Variants in PLD1 observed in about 807,000 individuals in gnomAD.
PLD1 encodes the protein phospholipase D1.
In PLD1, 112 loss-of-function variants were observed where a neutral mutation model predicts 137.1. That is an observed-to-expected ratio of 0.82 (90% CI 0.70 to 0.96). The LOEUF (loss-of-function observed/expected upper bound fraction) is 0.96. Ranked by LOEUF, PLD1 falls within the 40% of genes least tolerant of loss-of-function variation. The pLI is 0.00. For missense variants in PLD1, 1,321 were observed against 1,342.0 expected (o/e 0.98, Z 0.24); for synonymous variants, 431 against 454.7 (o/e 0.95, Z 0.66).
intron 1 of PLD1, among the ~76,000 whole-genome samples, chr3:171,771,657 G>A (rs1000027283): frequency 2.0e-5 from 3 of 152,202 alleles, no homozygotes; most frequent in African/African-American, 7.2e-5. Flanking sequence ...CCCTCCATTA[G>A]GGCCATGAAA....
chr3:171,623,156 C>A (rs1257406607), intron 23 of PLD1, among the ~76,000 whole-genome samples: 1 of 151,706 alleles, frequency 6.6e-6, no homozygotes, highest in African/African-American at 2.4e-5. Context: ...TACATGAGAT[C>A]GCATTAATGT....
intron 15 of PLD1, 25 bp from the exon 16 acceptor site, chr3:171,686,823 C>CA (rs1273144882): frequency 6.3e-6 from 7 of 1,109,524 alleles, no homozygotes; most frequent in South Asian, 4.1e-5. Context: ...AATTTTTTTA[C>CA]AAAAAAATAC....
In PLD1 at chr3:171,650,888, C is replaced by G. The variant is rs184098577; in HGVS notation, c.2430-5865G>C. The stretch of plus-strand genomic sequence containing the variant: ...CACTCCAGCAGCCCGGGCGACAGAG[C>G]GAGAATCCGTCTCAAAAAAAAAAAA... On this transcript the variant is annotated intron_variant, in intron 21 of 26. Transcript: ENST00000351298. 5.3e-5 allele frequency among the ~76,000 whole-genome samples: 8 copies of G among 150,746 alleles called. No homozygotes were observed. The South Asian group carries it at 1.7e-3, about 32-fold the overall frequency.
intron 19 of PLD1, among the ~76,000 whole-genome samples, chr3:171,670,425 C>G (rs532408367): frequency 2.0e-5 from 3 of 152,270 alleles, no homozygotes; most frequent in African/African-American, 7.2e-5. Flanking sequence ...GCTGAGGGTC[C>G]TAAAGCTAAG....
intron 9 of PLD1, among the ~76,000 whole-genome samples, chr3:171,712,663 AG>A (rs1324859358): frequency 2.0e-5 from 3 of 152,224 alleles, no homozygotes; most frequent in African/African-American, 4.8e-5. Flanking sequence ...ATCTTACACC[AG>A]GAAGGAAGGT....
At chr3:171,705,139 GGAAA>G (rs1716580122) in intron 11 of PLD1, among the ~76,000 whole-genome samples, 1 of 152,162 alleles carries the variant, frequency 6.6e-6, no homozygotes, top group Non-Finnish European at 1.5e-5. Flanking sequence ...CTGTCATAGC[GGAAA>G]GAGTCAATGA....
In PLD1 at chr3:171,714,010, A is replaced by G; in HGVS notation, c.794T>C (p.Met265Thr). The change falls in exon 9 of 27, where the codon ATG becomes ACG. Residue 265 changes from methionine (M) to threonine (T), a missense_variant. By Grantham distance (81) the Met-to-Thr change is moderately conservative. Coordinates refer to ENST00000351298, the MANE Select transcript of PLD1 (RefSeq NM_002662.5). Reference sequence around the variant, plus strand: ...GGCAATGGCACCGCTGTCTGGTTTCATATACAATAAAAAGGAATCTTTCAC... The same window carrying G: ...GGCAATGGCACCGCTGTCTGGTTTCGTATACAATAAAAAGGAATCTTTCAC... ...LIVKDSFLLY[M>T]KPDSGAIAFV... The G allele has an allele frequency of 6.2e-7, 1 of 1,608,576 alleles. No individual in the cohort carries two copies. The highest frequency in any genetic ancestry group is 8.5e-7 in the Non-Finnish European group (1 of 1,175,066).
At chr3:171,617,027 T>C (rs1733171504) in intron 24 of PLD1, among the ~76,000 whole-genome samples, 1 of 152,100 alleles carries the variant, frequency 6.6e-6, no homozygotes, top group South Asian at 2.1e-4. Context: ...ATATGAGCAT[T>C]ACCTAGGAAA....
chr3:171,630,097 T>C (rs1172357501), intron 23 of PLD1, among the ~76,000 whole-genome samples: 4 of 150,486 alleles, frequency 2.7e-5, no homozygotes, highest in Non-Finnish European at 4.4e-5. Flanking sequence ...TGGGAGAAAA[T>C]TTTCGCAACC....
chr3:171,611,701 T>G (rs1732672093), intron 25 of PLD1: 33 of 500,970 alleles, frequency 6.6e-5, no homozygotes, highest in South Asian at 4.8e-4. Flanking sequence ...TTCAATAATT[T>G]TTATTATATC....
At chr3:171,776,073 A>G (rs1367869497) in intron 1 of PLD1, among the ~76,000 whole-genome samples, 1 of 152,162 alleles carries the variant, frequency 6.6e-6, no homozygotes, top group African/African-American at 2.4e-5. Context: ...TGCGTAAACA[A>G]AGGGCTTTCA....
chr3:171,688,872 A>T lies in PLD1; in HGVS notation c.1343T>A (p.Met448Lys). The T allele has an allele frequency of 6.2e-7, 1 of 1,610,294 alleles. No homozygotes were observed. Among genetic ancestry groups the T allele is most frequent in the South Asian group, 1.1e-5 (1 of 91,004 alleles). Residue 448 changes from methionine (M) to lysine (K), a missense_variant, in exon 14 of 27, where the codon ATG (methionine) becomes AAG (lysine). By Grantham distance (95) the Met-to-Lys change is moderately conservative (BLOSUM62 -1). Coordinates refer to ENST00000351298, the MANE Select transcript of PLD1 (RefSeq NM_002662.5). ...LMRLHPNIKV[M>K]RHPDHVSSTV... ...GGATGACACATGATCCGGGTGTCTC[A>T]TCACCTTGAGAGGGAATAATCCCCA...
At chr3:171,732,974 C>T (rs1335957026) in intron 6 of PLD1, among the ~76,000 whole-genome samples, 7 of 152,228 alleles carry the variant, frequency 4.6e-5, no homozygotes. Context: ...ATGCTTCTCA[C>T]TTTCACATGA....
At chr3:171,647,638 G>A (rs768437139) in intron 21 of PLD1, among the ~76,000 whole-genome samples, 25 of 151,968 alleles carry the variant, frequency 1.6e-4, no homozygotes, top group South Asian at 4.2e-4. Context: ...TAGTAGAGAC[G>A]GGGTTTCTCC....
chr3:171,699,864 A>C, intron 11 of PLD1, 38 bp from the exon 12 acceptor site: 1 of 1,513,010 alleles, frequency 6.6e-7, no homozygotes, highest in Non-Finnish European at 9.2e-7. Context: ...TAACTAAAAC[A>C]AAATATAAAG....
At chr3:171,673,798 A>G (rs531945172) in intron 19 of PLD1, among the ~76,000 whole-genome samples, 1 of 152,300 alleles carries the variant, frequency 6.6e-6, no homozygotes, top group Admixed American at 6.5e-5. Context: ...AATTCTTCTG[A>G]TGCCCATATT....
At chr3:171,662,019 G>T (rs753600566) in intron 20 of PLD1, 41 bp downstream of exon 20, 2 of 1,093,370 alleles carry the variant, frequency 1.8e-6, no homozygotes, top group Non-Finnish European at 2.8e-6. Context: ...ATATTTAAGG[G>T]AAGGCAGTTT....
chr3:171,678,882 T>C (rs1489536056), intron 16 of PLD1, among the ~76,000 whole-genome samples: 1 of 150,914 alleles, frequency 6.6e-6, no homozygotes. Context: ...TGGACTGCCA[T>C]GTCTCCATGC....
chr3:171,768,935 A>G (rs1400860777), intron 1 of PLD1, among the ~76,000 whole-genome samples: 1 of 152,248 alleles, frequency 6.6e-6, no homozygotes, highest in African/African-American at 2.4e-5. Flanking sequence ...AAAGACCCAG[A>G]TATAACAAAA....
Sources: allele counts gnomAD v4.1 joint callset (sites outside exome capture counted in the v4.1 genomes callset), GRCh38; gene constraint gnomAD v4.1.1; transcripts MANE v1.5; gene names NCBI Gene and HGNC (gene_info 2026-07-23, HGNC 2026-07-21).